TBCD: variants seen among roughly 807,000 people sequenced by gnomAD.
The protein encoded by TBCD is tubulin folding cofactor D.
In TBCD, 105 loss-of-function variants were observed where a neutral mutation model predicts 169.3. The observed-to-expected ratio is 0.62, with a 90% CI of 0.53 to 0.73. The LOEUF is 0.73. Ranked by LOEUF, TBCD falls within the 30% of genes least tolerant of loss-of-function variation. TBCD has a pLI of 0.00. For synonymous variants in TBCD, 700 were observed against 643.9 expected, an observed-to-expected ratio of 1.09 and a Z score of -1.32; for missense variants, 1,444 against 1,600.1, an observed-to-expected ratio of 0.90 and a Z score of 1.66.
rs201059000 is a variant in TBCD, at chr17:82,830,982, C to T, written c.1318+16048C>T. 4.2e-5 allele frequency: 67 copies of T among 1,613,702 alleles called. No homozygotes were observed. In the East Asian group the frequency reaches 1.3e-3, roughly 32 times the overall value. Reference sequence around the variant, plus strand: ...CTGGCTCATGGAACCCAACCAGAAACATTCCCTTGGAGGTTTTGAAAATGA... The same window carrying T: ...CTGGCTCATGGAACCCAACCAGAAATATTCCCTTGGAGGTTTTGAAAATGA... On this transcript the variant is annotated intron_variant, in intron 13 of 38. Transcript: ENST00000355528.
intron 5 of TBCD, among the ~76,000 whole-genome samples, chr17:82,770,738 G>A (rs1342859382): frequency 2.0e-5 from 3 of 151,398 alleles, no homozygotes; most frequent in Non-Finnish European, 4.4e-5. Context: ...CCCGGAGGCC[G>A]GGCACGGTGG....
chr17:82,937,893 A>G lies in TBCD; in HGVS notation c.3282-156A>G, dbSNP rs3785521. ...GTGTGTGTAGGCACAGTGCAGATGT[A>G]CGCACACACACACCTCCGGCTTGGG... On this transcript the variant is annotated intron_variant, in intron 35 of 38. Transcript: ENST00000355528. The G allele has an allele frequency of 0.7, 1,063,310 of 1,526,794 alleles. 373,857 individuals carry two copies. The highest frequency in any genetic ancestry group is 0.89 in the African/African-American group (64,921 of 72,910). 94.6% of individuals were successfully genotyped at this position (1,526,794 alleles called of 1,614,324 possible).
At chr17:82,848,434 G>C (rs1194942353) in intron 13 of TBCD, among the ~76,000 whole-genome samples, 3 of 152,138 alleles carry the variant, frequency 2.0e-5, no homozygotes, top group Non-Finnish European at 4.4e-5. Flanking sequence ...CCAAGTTTAA[G>C]AATTCCCACA....
At chr17:82,827,032 A>G (rs953501752) in intron 13 of TBCD, among the ~76,000 whole-genome samples, 1 of 152,114 alleles carries the variant, frequency 6.6e-6, no homozygotes, top group African/African-American at 2.4e-5. Flanking sequence ...TGGCCTCTCA[A>G]TGTGCTGGGA....
In TBCD at chr17:82,870,433, G is replaced by A. The variant is rs112508232; in HGVS notation, c.1475+53G>A. 37,569 of 1,576,226 alleles carry A rather than the reference G, an allele frequency of 0.024. 778 individuals carry two copies. The highest frequency in any genetic ancestry group is 0.11 in the African/African-American group (8,100 of 73,878). On this transcript the variant is annotated intron_variant, in intron 14 of 38. Coordinates refer to ENST00000355528, the MANE Select transcript of TBCD (RefSeq NM_005993.5). ...ATGCGCCGTGCCCCCTGACGGCGCC[G>A]TGTGTCGTTTCCTCCATGAGAGGTG...
chr17:82,873,350 C>G (rs2057744182), intron 14 of TBCD, among the ~76,000 whole-genome samples: 1 of 152,112 alleles, frequency 6.6e-6, no homozygotes, highest in Admixed American at 6.5e-5. Flanking sequence ...GACGAAACCT[C>G]CACTCACCTG....
chr17:82,792,222 C>T (rs1233567383), intron 7 of TBCD, among the ~76,000 whole-genome samples: 7 of 151,872 alleles, frequency 4.6e-5, no homozygotes, highest in East Asian at 1.9e-4. Context: ...GCAGGAGAAT[C>T]GCTCGAACCC....
At chr17:82,908,600 C>T (rs1052935661) in intron 21 of TBCD, among the ~76,000 whole-genome samples, 36 of 152,236 alleles carry the variant, frequency 2.4e-4, no homozygotes, top group South Asian at 1.7e-3. Flanking sequence ...ATGATTTTGG[C>T]AAAGCCATTT....
intron 23 of TBCD, among the ~76,000 whole-genome samples, chr17:82,919,264 G>GT (rs2061270983): frequency 6.6e-6 from 1 of 152,048 alleles, no homozygotes; most frequent in South Asian, 2.1e-4. Flanking sequence ...GTTTTCTGGG[G>GT]TTTTTTGTTT....
chr17:82,942,455 G>T lies in TBCD; in HGVS notation c.3571G>T (p.Ala1191Ser). 1 of 1,613,966 alleles carries T rather than the reference G, an allele frequency of 6.2e-7. No individual in the cohort carries two copies. Among genetic ancestry groups the T allele is most frequent in the African/African-American group, 1.3e-5 (1 of 75,062 alleles). ...TGTCTTGTCTCTTCTTCAGCCTGGT[G>T]CCTGCTGAAGCCAGTCCTGGAGCCC... ...PRPQLVPQPG[A>S]C Residue 1191 changes from alanine (A) to serine (S), a missense_variant, in exon 39 of 39, where the codon GCC (alanine) becomes TCC (serine). By Grantham distance (99) the Ala-to-Ser change is moderately conservative. Transcript: ENST00000355528.
At chr17:82,803,714 G>C (rs990137171) in intron 9 of TBCD, among the ~76,000 whole-genome samples, 3 of 152,180 alleles carry the variant, frequency 2.0e-5, no homozygotes, top group African/African-American at 7.2e-5. Context: ...TAAGTCTTCC[G>C]TCCGAGTCTC....
At chr17:82,872,600 T>G (rs1384154752) in intron 14 of TBCD, among the ~76,000 whole-genome samples, 2 of 152,256 alleles carry the variant, frequency 1.3e-5, no homozygotes, top group African/African-American at 4.8e-5. Flanking sequence ...GTGCTGCTCC[T>G]GCACTTCTAG....
rs984704658 is a variant in TBCD at position 82,866,596 on chromosome 17, G to T, written c.1319-3628G>T. Among the ~76,000 whole-genome samples, 5 of 152,346 alleles carry T rather than the reference G, an allele frequency of 3.3e-5. No individual in the cohort carries two copies. The East Asian group carries it at 9.6e-4, about 29-fold the overall frequency. On this transcript the variant is annotated intron_variant, in intron 13 of 38. Coordinates refer to ENST00000355528, the MANE Select transcript of TBCD (RefSeq NM_005993.5). ...ATTGGAGGTTTCTGAGCAGCAGGAG[G>T]GCAGGAGAAAGGCCCCAGGACTTTG...
Position 82,903,560 on chromosome 17 carries a change from G to T in TBCD, c.1804+82G>T, listed in dbSNP as rs1290834477. The T allele has an allele frequency of 5.1e-6, 7 of 1,385,660 alleles. No individual in the cohort carries two copies. The highest frequency in any genetic ancestry group is 2.1e-5 in the Admixed American group (1 of 47,622). 85.8% of individuals were successfully genotyped at this position (1,385,660 alleles called of 1,614,324 possible). A position where few individuals can be genotyped will look rare whatever the true frequency, so the allele number is the denominator to read the frequency against. On this transcript the variant is annotated intron_variant, in intron 19 of 38. Transcript: ENST00000355528. The surrounding 1 kb of genome is among the most constrained non-coding windows in gnomAD (Gnocchi z 4.8). ...GGGTTGCTGGTTTCAAAGGCTGGGG[G>T]CTGAAAATAAGGTTGTGCTTCTGTC...
intron 6 of TBCD, among the ~76,000 whole-genome samples, chr17:82,774,733 C>T (rs1424075035): frequency 6.6e-6 from 1 of 152,192 alleles, no homozygotes; most frequent in Non-Finnish European, 1.5e-5. Context: ...TAGACTGCTG[C>T]CCTCCCAATT....
intron 1 of TBCD, among the ~76,000 whole-genome samples, chr17:82,752,800 G>A (rs1213136653): frequency 1.3e-5 from 2 of 152,198 alleles, no homozygotes. Context: ...CACCGAGCGC[G>A]GTTTCTGTGA....
intron 6 of TBCD, among the ~76,000 whole-genome samples, chr17:82,776,002 A>C (rs1183373011): frequency 2.6e-5 from 4 of 152,106 alleles, no homozygotes; most frequent in Non-Finnish European, 5.9e-5. Context: ...GGATCACCTG[A>C]GGTCAGGAGT....
intron 20 of TBCD, 83 bp downstream of exon 20, chr17:82,906,136 ACT>A: frequency 9.4e-7 from 1 of 1,067,448 alleles, no homozygotes; most frequent in Non-Finnish European, 1.4e-6. Flanking sequence ...CCAGTTCGAG[ACT>A]CTCTCATCCC....
chr17:82,754,564 T>A (rs192354305), intron 1 of TBCD, among the ~76,000 whole-genome samples: 10 of 152,362 alleles, frequency 6.6e-5, no homozygotes, highest in Admixed American at 5.9e-4. Flanking sequence ...CCTAGCCTGG[T>A]GGCCTCTCAT....
Sources: allele counts gnomAD v4.1 joint callset (sites outside exome capture counted in the v4.1 genomes callset), GRCh38; gene constraint gnomAD v4.1.1; non-coding constraint Gnocchi (gnomAD v3.1); transcripts MANE v1.5; gene names NCBI Gene and HGNC (gene_info 2026-07-23, HGNC 2026-07-21).